Variants in ABHD16A observed in about 807,000 individuals in gnomAD.
ABHD16A encodes phosphatidylserine lipase ABHD16A.
Under a neutral mutation model 89.8 loss-of-function variants are expected in ABHD16A, and 47 were observed. That is an observed-to-expected ratio of 0.52 (90% CI 0.41 to 0.67). ABHD16A has a LOEUF of 0.67. Ranked by LOEUF, ABHD16A falls within the 30% of genes least tolerant of loss-of-function variation. ABHD16A has a pLI of 0.00. For missense variants in ABHD16A, 580 were observed against 734.6 expected, an observed-to-expected ratio of 0.79 and a Z score of 2.43; for synonymous variants, 251 against 280.4, an observed-to-expected ratio of 0.90 and a Z score of 1.05.
Position 31,688,149 on chromosome 6 carries a change from G to A in ABHD16A, c.1308-46C>T, listed in dbSNP as rs778993657. On this transcript the variant is annotated intron_variant, in intron 15 of 19. Transcript: ENST00000395952. The surrounding 1 kb of genome is among the most constrained non-coding windows in gnomAD (Gnocchi z 4.9). ...CCCTGGAGGGGCTGGAGGTTAGGAG[G>A]AAGGGTCTAGATACCCAGGTTTCTG... 3.1e-6 allele frequency: 5 copies of A among 1,605,100 alleles called. No homozygotes were observed. In the East Asian group the frequency reaches 8.9e-5, roughly 29 times the overall value.
chr6:31,688,619 G>C lies in ABHD16A; in HGVS notation c.1250+104C>G. On this transcript the variant is annotated intron_variant, in intron 14 of 19. Transcript: ENST00000395952. The surrounding 1 kb of genome is among the most constrained non-coding windows in gnomAD (Gnocchi z 4.9). The stretch of plus-strand genomic sequence containing the variant: ...AGGGTCACTCAGGATGTGAGCCAGT[G>C]GCCTTTTACCAACTTGCACTTTAGT... 1 of 1,336,294 alleles carries C rather than the reference G, an allele frequency of 7.5e-7. No individual in the cohort carries two copies. Among genetic ancestry groups the C allele is most frequent in the South Asian group, 1.3e-5 (1 of 79,386 alleles). The allele number at this position is 1,336,294 out of a possible 1,614,324, so 82.8% of individuals were successfully genotyped here.
In ABHD16A at chr6:31,687,333, C is replaced by G. The variant is rs1230951976; in HGVS notation, c.1594-38G>C. ...GGTGGGACAGGTGGGGTACAGAGCACTGTTGGGAGGGGCAGCCACTGGACT... is the reference window on the plus strand; with the variant it reads ...GGTGGGACAGGTGGGGTACAGAGCAGTGTTGGGAGGGGCAGCCACTGGACT... On this transcript the variant is annotated intron_variant, in intron 19 of 19. Transcript: ENST00000395952. This position sits in a 1 kb window ranked among gnomAD's most constrained non-coding sequence, Gnocchi z 6.3. The G allele has an allele frequency of 2.5e-6, 4 of 1,608,440 alleles. No homozygotes were observed. The highest frequency in any genetic ancestry group is 3.4e-6 in the Non-Finnish European group (4 of 1,176,312).
At chr6:31,701,717 C>T (rs933327029) in intron 2 of ABHD16A, among the ~76,000 whole-genome samples, 1 of 152,202 alleles carries the variant, frequency 6.6e-6, no homozygotes, top group Non-Finnish European at 1.5e-5. Flanking sequence ...GCGCAAACGT[C>T]ACCACAGGAA....
At position 31,687,290 on chromosome 6, in the gene ABHD16A, C is replaced by T. The variant is rs750347524; in HGVS notation, c.1599G>A (p.Arg533=). Residue 533 remains arginine, a synonymous_variant, in exon 20 of 20, where the codon CGG becomes CGA. Coordinates refer to ENST00000395952, the MANE Select transcript of ABHD16A (RefSeq NM_021160.3). The surrounding 1 kb of genome is among the most constrained non-coding windows in gnomAD (Gnocchi z 6.3). ...GRRQLALFLA[R]KHLHNFEATH... is the part of the protein sequence containing the mutation. Reference sequence around the variant, plus strand: ...TGGCCTCAAAGTTGTGCAGATGCTTCCGAGCCTGAGGAAAGGAGGTGGGAC... The same window carrying T: ...TGGCCTCAAAGTTGTGCAGATGCTTTCGAGCCTGAGGAAAGGAGGTGGGAC... The T allele has an allele frequency of 1.9e-6, 3 of 1,612,764 alleles. No homozygotes were observed. The highest frequency in any genetic ancestry group is 2.5e-6 in the Non-Finnish European group (3 of 1,179,978).
chr6:31,695,610 C>A (rs560142067), intron 5 of ABHD16A, among the ~76,000 whole-genome samples: 1 of 152,250 alleles, frequency 6.6e-6, no homozygotes, highest in South Asian at 2.1e-4. Context: ...GTAATCCCAG[C>A]TACTTGGGAG....
intron 4 of ABHD16A, among the ~76,000 whole-genome samples, chr6:31,697,770 C>T (rs1159208710): frequency 6.6e-6 from 1 of 152,186 alleles, no homozygotes; most frequent in African/African-American, 2.4e-5. Context: ...TGCTGAGCCA[C>T]CTCAAACCCT....
In ABHD16A at chr6:31,687,271, C is replaced by G; in HGVS notation, c.1618G>C (p.Glu540Gln). ...FLARKHLHNFEATHCTPLPAQ... is the reference protein window; with the variant it reads ...FLARKHLHNFQATHCTPLPAQ... ...GGGAGTGGGGTGCAGTGAGTGGCCTCAAAGTTGTGCAGATGCTTCCGAGCC... is the reference window on the plus strand; with the variant it reads ...GGGAGTGGGGTGCAGTGAGTGGCCTGAAAGTTGTGCAGATGCTTCCGAGCC... The change falls in exon 20 of 20, where the codon GAG becomes CAG. Residue 540 changes from glutamate (E) to glutamine (Q), a missense_variant. Coordinates refer to ENST00000395952, the MANE Select transcript of ABHD16A (RefSeq NM_021160.3). This position sits in a 1 kb window ranked among gnomAD's most constrained non-coding sequence, Gnocchi z 6.3. 1.2e-6 allele frequency: 2 copies of G among 1,612,942 alleles called. No homozygotes were observed. The highest frequency in any genetic ancestry group is 8.5e-7 in the Non-Finnish European group (1 of 1,179,980).
chr6:31,688,935 G>T lies in ABHD16A; in HGVS notation c.1186+80C>A. 2 of 1,464,352 alleles carry T rather than the reference G, an allele frequency of 1.4e-6. No individual in the cohort carries two copies. The highest frequency in any genetic ancestry group is 2.4e-5 in the East Asian group (1 of 42,276). The allele number at this position is 1,464,352 out of a possible 1,614,324, so 90.7% of individuals were successfully genotyped here. Reference sequence around the variant, plus strand: ...ATGGGGCGACTTACTCCCCACCCAAGAAAAGGGAGCCATCTCAGAACAGTT... The same window carrying T: ...ATGGGGCGACTTACTCCCCACCCAATAAAAGGGAGCCATCTCAGAACAGTT... On this transcript the variant is annotated intron_variant, in intron 13 of 19. Coordinates refer to ENST00000395952, the MANE Select transcript of ABHD16A (RefSeq NM_021160.3). This position sits in a 1 kb window ranked among gnomAD's most constrained non-coding sequence, Gnocchi z 4.9.
chr6:31,699,951 T>C (rs1422072687), intron 4 of ABHD16A, among the ~76,000 whole-genome samples: 1 of 152,068 alleles, frequency 6.6e-6, no homozygotes, highest in Non-Finnish European at 1.5e-5. Flanking sequence ...TTTCACCATG[T>C]TGGACAGACT....
chr6:31,689,201 C>T (rs1013495626), intron 12 of ABHD16A, 82 bp from the exon 13 acceptor site: 3 of 1,266,012 alleles, frequency 2.4e-6, no homozygotes, highest in Middle Eastern at 1.9e-4. Flanking sequence ...CCCACTGACC[C>T]TATAGGCCAA....
chr6:31,703,260 C>T lies in ABHD16A; in HGVS notation c.22G>A (p.Val8Ile). The change falls in exon 1 of 20, where the codon GTC becomes ATC. Residue 8 changes from valine (V) to isoleucine (I), a missense_variant. By Grantham distance (29) the Val-to-Ile change is conservative. This residue lies in a region of ABHD16A where 165 missense variants were observed against 165.8 expected (regional missense o/e 1.00). Coordinates refer to ENST00000395952, the MANE Select transcript of ABHD16A (RefSeq NM_021160.3). MAKLLSC[V>I]LGPRLYKIYR... ...ATTTTGTAGAGCCGGGGGCCTAGGA[C>T]GCAGCTCAGCAGCTTCGCCATGGCC... The T allele has an allele frequency of 1.4e-6, 2 of 1,380,808 alleles. No homozygotes were observed. The highest frequency in any genetic ancestry group is 1.9e-6 in the Non-Finnish European group (2 of 1,053,906). 85.5% of individuals were successfully genotyped at this position (1,380,808 alleles called of 1,614,324 possible).
At position 31,692,281 on chromosome 6, in the gene ABHD16A, AAAT is replaced by A. The variant is rs772045386; in HGVS notation, c.627-366_627-364del. The A allele has an allele frequency of 6.0e-5, 12 of 199,742 alleles. No individual in the cohort carries two copies. In the East Asian group the frequency reaches 1.0e-3, roughly 17 times the overall value. 12.4% of individuals were successfully genotyped at this position (199,742 alleles called of 1,614,324 possible). ...TACAACATATTAAAGGTCCCCAAATAAATAATGCTTTAAAAAATGATGGTTATA... is the reference window on the plus strand; with the variant it reads ...TACAACATATTAAAGGTCCCCAAATAAATGCTTTAAAAAATGATGGTTATA... On this transcript the variant is annotated intron_variant, in intron 7 of 19. Transcript: ENST00000395952.
intron 7 of ABHD16A, chr6:31,692,195 G>C (rs568682280): frequency 2.6e-6 from 1 of 383,834 alleles, no homozygotes; most frequent in African/African-American, 2.0e-5. Context: ...TGATGTAACT[G>C]TCTATACATA....
chr6:31,695,807 G>C (rs954258296), intron 5 of ABHD16A, among the ~76,000 whole-genome samples: 2 of 152,196 alleles, frequency 1.3e-5, no homozygotes, highest in African/African-American at 4.8e-5. Flanking sequence ...AAGGCAGGCA[G>C]ATCGTCTGCA....
chr6:31,694,578 A>C (rs1417848508), intron 5 of ABHD16A, among the ~76,000 whole-genome samples: 2 of 151,816 alleles, frequency 1.3e-5, no homozygotes, highest in Non-Finnish European at 2.9e-5. Context: ...CCTTTAGCAG[A>C]GATGGGGTTT....
intron 12 of ABHD16A, 72 bp from the exon 13 acceptor site, chr6:31,689,191 C>G (rs1803604808): frequency 7.2e-7 from 1 of 1,381,380 alleles, no homozygotes; most frequent in South Asian, 1.3e-5. Flanking sequence ...ATGCTCTCAT[C>G]CCACTGACCC....
chr6:31,689,160 GCTC>G, intron 12 of ABHD16A, 41 bp from the exon 13 acceptor site: 1 of 1,564,840 alleles, frequency 6.4e-7, no homozygotes, highest in Non-Finnish European at 8.7e-7. Context: ...ACTGAGAAAG[GCTC>G]CTTTCTCCCC....
At chr6:31,694,777 GA>G (rs1312370493) in intron 5 of ABHD16A, among the ~76,000 whole-genome samples, 7 of 152,186 alleles carry the variant, frequency 4.6e-5, no homozygotes, top group African/African-American at 1.7e-4. Flanking sequence ...TTTCTGCACA[GA>G]AATTTTTTGA....
In ABHD16A at chr6:31,698,130, CAT is replaced by C. The variant is rs1804570947; in HGVS notation, c.344-1099_344-1098del. Among the ~76,000 whole-genome samples, 1 of 152,004 alleles carries C rather than the reference CAT, an allele frequency of 6.6e-6. No homozygotes were observed. Among genetic ancestry groups the C allele is most frequent in the Non-Finnish European group, 1.5e-5 (1 of 68,022 alleles). ...CATACTGCTTATAGATACCATATTT[CAT>C]AGATTCTAAAATGTATATTTTTTAA... is the stretch of plus-strand genomic sequence containing the variant. On this transcript the variant is annotated intron_variant, in intron 4 of 19. Coordinates refer to ENST00000395952, the MANE Select transcript of ABHD16A (RefSeq NM_021160.3). This position sits in a 1 kb window ranked among gnomAD's most constrained non-coding sequence, Gnocchi z 4.1.
Sources: allele counts gnomAD v4.1 joint callset (sites outside exome capture counted in the v4.1 genomes callset), GRCh38; gene constraint gnomAD v4.1.1; regional missense constraint gnomAD v4.1.1; non-coding constraint Gnocchi (gnomAD v3.1); transcripts MANE v1.5; gene names NCBI Gene and HGNC (gene_info 2026-07-23, HGNC 2026-07-21).